Variants in MACROD2 observed in about 807,000 individuals in gnomAD.
MACROD2 encodes ADP-ribose glycohydrolase MACROD2.
In MACROD2, 36 loss-of-function variants were observed where a neutral mutation model predicts 70.4. That is an observed-to-expected ratio of 0.51 (90% CI 0.39 to 0.68). The LOEUF (loss-of-function observed/expected upper bound fraction) is 0.68, where lower values mean the gene tolerates loss of function less well. Ranked by LOEUF, MACROD2 falls within the 30% of genes least tolerant of loss-of-function variation. MACROD2 has a pLI of 0.00. For synonymous variants in MACROD2, 172 were observed against 178.8 expected (o/e 0.96, Z 0.30); for missense variants, 496 against 538.4 (o/e 0.92, Z 0.78).
At chr20:14,833,039 C>A (rs993869415) in intron 5 of MACROD2, among the ~76,000 whole-genome samples, 2 of 152,126 alleles carry the variant, frequency 1.3e-5, no homozygotes, top group Non-Finnish European at 2.9e-5. Flanking sequence ...TCTGCCATAG[C>A]CACATGTAGC....
At chr20:14,274,753 G>A (rs2082233736) in intron 3 of MACROD2, among the ~76,000 whole-genome samples, 1 of 152,012 alleles carries the variant, frequency 6.6e-6, no homozygotes, top group African/African-American at 2.4e-5. Flanking sequence ...AAACCCCATT[G>A]TCTCAGCCCA....
intron 5 of MACROD2, among the ~76,000 whole-genome samples, chr20:14,860,880 T>C (rs1007121046): frequency 6.6e-6 from 1 of 152,002 alleles, no homozygotes; most frequent in Admixed American, 6.6e-5. Flanking sequence ...AACATACTTA[T>C]CCCAGGTTTT....
At chr20:16,043,225 G>T (rs574799627) in intron 16 of MACROD2, among the ~76,000 whole-genome samples, 14 of 152,030 alleles carry the variant, frequency 9.2e-5, no homozygotes, top group Non-Finnish European at 1.6e-4. Context: ...TAGAAGTGGG[G>T]CACCTTAAGT....
intron 5 of MACROD2, among the ~76,000 whole-genome samples, chr20:15,017,893 C>G (rs1259260072): frequency 6.6e-6 from 1 of 152,144 alleles, no homozygotes; most frequent in Non-Finnish European, 1.5e-5. Flanking sequence ...GACCCTGGAC[C>G]CAGTGCATGA....
intron 3 of MACROD2, among the ~76,000 whole-genome samples, chr20:14,479,868 A>G (rs1219402129): frequency 6.6e-6 from 1 of 152,182 alleles, no homozygotes; most frequent in Non-Finnish European, 1.5e-5. Context: ...AGATTTATTT[A>G]CTATAGTTAT....
At chr20:14,672,202 T>C (rs1213078283) in intron 4 of MACROD2, among the ~76,000 whole-genome samples, 1 of 150,850 alleles carries the variant, frequency 6.6e-6, no homozygotes, top group Non-Finnish European at 1.5e-5. Flanking sequence ...GCCTCACTCA[T>C]ATGTCTGGTC....
At chr20:15,789,988 G>A (rs567355281) in intron 8 of MACROD2, among the ~76,000 whole-genome samples, 1 of 151,950 alleles carries the variant, frequency 6.6e-6, no homozygotes, top group East Asian at 1.9e-4. Flanking sequence ...GACTCAAATG[G>A]TTTTCAAAGG....
At chr20:14,195,599 A>C (rs1020745046) in intron 3 of MACROD2, among the ~76,000 whole-genome samples, 1 of 151,932 alleles carries the variant, frequency 6.6e-6, no homozygotes, top group African/African-American at 2.4e-5. Flanking sequence ...GCAGGCAGAC[A>C]CACACACACA....
chr20:15,748,383 CCTTT>C (rs200211336), intron 8 of MACROD2, among the ~76,000 whole-genome samples: 1,627 of 151,940 alleles, frequency 0.011, 39 homozygotes, highest in African/African-American at 0.037. Flanking sequence ...TTCCTTCTTT[CCTTT>C]CTTTCTTTCT....
chr20:14,070,586 C>G (rs754969330), intron 2 of MACROD2, among the ~76,000 whole-genome samples: 1 of 152,030 alleles, frequency 6.6e-6, no homozygotes, highest in South Asian at 2.1e-4. Flanking sequence ...TGGTATACTA[C>G]TAATTATTTG....
rs565220963 is a variant in MACROD2 at position 14,172,657 on chromosome 20, A to C, written c.271+86929A>C. The stretch of plus-strand genomic sequence containing the variant: ...TTTTAGGACATTTTCATTCAACATT[A>C]GTATTGAGATGTGAGGTACTATTCT... On this transcript the variant is annotated intron_variant, in intron 3 of 17. Transcript: ENST00000684519. Among the ~76,000 whole-genome samples, 454 of 152,246 alleles carry C rather than the reference A, an allele frequency of 3.0e-3. 2 individuals are homozygous for C. Among genetic ancestry groups the C allele is most frequent in the African/African-American group, 0.01 (428 of 41,554 alleles).
intron 8 of MACROD2, among the ~76,000 whole-genome samples, chr20:15,627,507 A>C (rs962084757): frequency 2.6e-5 from 4 of 151,926 alleles, no homozygotes; most frequent in African/African-American, 7.3e-5. Context: ...CAGTTTGGGG[A>C]AGGGGGTGGG....
intron 4 of MACROD2, among the ~76,000 whole-genome samples, chr20:14,539,888 G>GAGGTAGATTGGGTAGATTGC (rs1208528152): frequency 2.6e-5 from 4 of 152,166 alleles, no homozygotes; most frequent in Non-Finnish European, 5.9e-5. Flanking sequence ...TGGGAGGAAA[G>GAGGTAGATTGGGTAGATTGC]CATTAGATGT....
chr20:14,742,427 A>G (rs937367408), intron 5 of MACROD2, among the ~76,000 whole-genome samples: 7 of 134,340 alleles, frequency 5.2e-5, no homozygotes, highest in Non-Finnish European at 1.1e-4. Context: ...AAATAGATAT[A>G]TAATAAAGGT....
chr20:15,073,175 A>G (rs1220676516), intron 5 of MACROD2, among the ~76,000 whole-genome samples: 2 of 152,154 alleles, frequency 1.3e-5, no homozygotes, highest in East Asian at 3.8e-4. Context: ...CAGCAAAAAA[A>G]TGGACTAAGA....
chr20:14,317,740 T>C (rs904895798), intron 3 of MACROD2, among the ~76,000 whole-genome samples: 48 of 152,174 alleles, frequency 3.2e-4, no homozygotes, highest in African/African-American at 1.1e-3. Context: ...CAGTACATCA[T>C]TGTTAAGGTT....
At chr20:15,363,031 G>A (rs952173945) in intron 6 of MACROD2, among the ~76,000 whole-genome samples, 2 of 151,730 alleles carry the variant, frequency 1.3e-5, no homozygotes, top group Non-Finnish European at 2.9e-5. Context: ...GAGGAAGGGA[G>A]GAAGCCCCTT....
At chr20:15,302,513 A>G (rs2077657059) in intron 6 of MACROD2, among the ~76,000 whole-genome samples, 1 of 152,218 alleles carries the variant, frequency 6.6e-6, no homozygotes, top group South Asian at 2.1e-4. Context: ...GTTGGTGTAG[A>G]ACTCACTCAT....
intron 5 of MACROD2, among the ~76,000 whole-genome samples, chr20:14,884,101 A>G (rs1393972403): frequency 1.3e-5 from 2 of 152,166 alleles, no homozygotes; most frequent in African/African-American, 4.8e-5. Flanking sequence ...CTTTCCTGTG[A>G]TATCCCATGG....
Sources: allele counts gnomAD v4.1 joint callset (sites outside exome capture counted in the v4.1 genomes callset), GRCh38; gene constraint gnomAD v4.1.1; transcripts MANE v1.5; gene names NCBI Gene and HGNC (gene_info 2026-07-23, HGNC 2026-07-21).